The following NBEAL1 variants were observed in gnomAD, a reference collection of about 807,000 sequenced individuals.
NBEAL1 encodes the protein neurobeachin like 1.
Under a neutral mutation model 351.3 loss-of-function variants are expected in NBEAL1, and 273 were observed. That is an observed-to-expected ratio of 0.78 (90% CI 0.70 to 0.86). The LOEUF (loss-of-function observed/expected upper bound fraction) is 0.86. Ranked by LOEUF, NBEAL1 falls within the 40% of genes least tolerant of loss-of-function variation. The pLI is 0.00. For missense variants in NBEAL1, 2,961 were observed against 3,201.3 expected (o/e 0.92, Z 1.81); for synonymous variants, 1,050 against 1,086.4 (o/e 0.97, Z 0.66).
chr2:203,066,635 T>C (rs1446014142), intron 6 of NBEAL1, among the ~76,000 whole-genome samples: 3 of 150,954 alleles, frequency 2.0e-5, no homozygotes, highest in Non-Finnish European at 4.4e-5. Context: ...CGGGGCGGCC[T>C]GGCAGAGGCA....
At chr2:203,076,764 G>T (rs2061782172) in intron 7 of NBEAL1, among the ~76,000 whole-genome samples, 1 of 151,460 alleles carries the variant, frequency 6.6e-6, no homozygotes, top group Non-Finnish European at 1.5e-5. Flanking sequence ...GCTAATTTTT[G>T]CATTTTTAGT....
At chr2:203,154,105 G>T (rs943371920) in intron 35 of NBEAL1, among the ~76,000 whole-genome samples, 7 of 151,856 alleles carry the variant, frequency 4.6e-5, no homozygotes, top group African/African-American at 1.5e-4. Flanking sequence ...GCGTAGTGAC[G>T]TGCACCTGTA....
At position 203,209,207 on chromosome 2, in the gene NBEAL1, G is replaced by A; in HGVS notation, c.7670G>A (p.Arg2557Lys). 2 of 1,613,680 alleles carry A rather than the reference G, an allele frequency of 1.2e-6. No individual in the cohort carries two copies. The highest frequency in any genetic ancestry group is 4.5e-5 in the East Asian group (2 of 44,860). Reference protein sequence around the residue: ...IHTIQKGQYMRTLRPPCESSL... With the variant: ...IHTIQKGQYMKTLRPPCESSL... ...ACCATTCAGAAAGGTCAGTACATGAGGACTTTACGACCACCTTGTGAGAGT... is the reference window on the plus strand; with the variant it reads ...ACCATTCAGAAAGGTCAGTACATGAAGACTTTACGACCACCTTGTGAGAGT... Residue 2557 changes from arginine to lysine, a missense_variant, in exon 53 of 56, where the codon AGG becomes AAG. By Grantham distance (26) the Arg-to-Lys change is conservative. Transcript: ENST00000683969.
intron 11 of NBEAL1, 62 bp downstream of exon 11, chr2:203,097,695 A>G: frequency 4.1e-6 from 2 of 492,720 alleles, no homozygotes; most frequent in Non-Finnish European, 2.6e-6. Flanking sequence ...GGGAATAACT[A>G]TTCCTGTGCT....
At position 203,112,957 on chromosome 2, in the gene NBEAL1, T is replaced by G. The variant is rs1179596272; in HGVS notation, c.2203-58T>G. ...TGTACTATTTTATTGTGTAATTTTA[T>G]GTTAAATATGAGGATATATGTTAAT... On this transcript the variant is annotated intron_variant, in intron 16 of 55. Transcript: ENST00000683969. The G allele has an allele frequency of 2.3e-6, 3 of 1,319,946 alleles. No individual in the cohort carries two copies. The African/African-American group carries it at 4.5e-5, about 20-fold the overall frequency. The allele number at this position is 1,319,946 out of a possible 1,614,324, so 81.8% of individuals were successfully genotyped here.
chr2:203,072,295 C>T (rs1435784661), intron 7 of NBEAL1, among the ~76,000 whole-genome samples: 2 of 152,114 alleles, frequency 1.3e-5, no homozygotes, highest in African/African-American at 2.4e-5. Context: ...GGTATAATCC[C>T]GTATCCATTC....
chr2:203,106,640 A>G (rs1030441672), intron 12 of NBEAL1, among the ~76,000 whole-genome samples: 5 of 152,192 alleles, frequency 3.3e-5, no homozygotes, highest in African/African-American at 1.2e-4. Flanking sequence ...TTAAAATTCA[A>G]AAGATTATAT....
At chr2:203,085,555 T>G (rs1278785473) in intron 10 of NBEAL1, 2 of 152,218 alleles carry the variant, frequency 1.3e-5, no homozygotes, top group Non-Finnish European at 2.9e-5. Context: ...TTAGTTCTTT[T>G]TGACTTCATG....
intron 36 of NBEAL1, 87 bp from the exon 37 acceptor site, chr2:203,166,062 G>T (rs2064120379): frequency 1.6e-6 from 2 of 1,239,180 alleles, no homozygotes; most frequent in South Asian, 1.8e-5. Context: ...AGAAAAAAAA[G>T]AGATTATATT....
intron 53 of NBEAL1, 126 bp downstream of exon 53, chr2:203,209,448 CA>C (rs1318664722): frequency 9.9e-6 from 7 of 710,026 alleles, no homozygotes; most frequent in Admixed American, 8.1e-5. Flanking sequence ...TTTCTTTCAT[CA>C]TTCAGTTGTT....
chr2:203,219,505 A>T lies in NBEAL1; in HGVS notation c.*2151A>T, dbSNP rs977856919. On this transcript the variant is annotated 3_prime_UTR_variant, in exon 56 of 56. Transcript: ENST00000683969. ...AAATAGATATCCTACCTGGACTAAT[A>T]CTAGATGTACAAGGTAGTGGAATTA... 1 of 151,950 alleles carries T rather than the reference A, an allele frequency of 6.6e-6. No individual in the cohort carries two copies. The highest frequency in any genetic ancestry group is 2.4e-5 in the African/African-American group (1 of 41,356). 9.4% of individuals were successfully genotyped at this position (151,950 alleles called of 1,614,324 possible).
intron 12 of NBEAL1, among the ~76,000 whole-genome samples, chr2:203,101,469 C>T (rs1243862260): frequency 6.6e-6 from 1 of 152,082 alleles, no homozygotes; most frequent in Admixed American, 6.6e-5. Context: ...CTAGGATTGC[C>T]TTGGCTATTC....
At chr2:203,213,722 A>T in intron 55 of NBEAL1, 69 bp downstream of exon 55, 3 of 1,594,030 alleles carry the variant, frequency 1.9e-6, no homozygotes, top group Non-Finnish European at 1.7e-6. Context: ...CTTCATTCCA[A>T]CTGATTGAGA....
At chr2:203,162,365 C>A (rs1001612591) in intron 36 of NBEAL1, among the ~76,000 whole-genome samples, 2 of 152,016 alleles carry the variant, frequency 1.3e-5, no homozygotes, top group Non-Finnish European at 2.9e-5. Flanking sequence ...CATATTCAGC[C>A]AAGAATGAGT....
intron 2 of NBEAL1, among the ~76,000 whole-genome samples, chr2:203,023,253 A>G (rs2060797747): frequency 1.3e-5 from 2 of 152,188 alleles, no homozygotes; most frequent in East Asian, 1.9e-4. Flanking sequence ...TGGTATGTGC[A>G]AAGTGTGAAA....
At chr2:203,175,059 C>A in intron 41 of NBEAL1, 88 bp from the exon 42 acceptor site, 1 of 1,144,600 alleles carries the variant, frequency 8.7e-7, no homozygotes, top group Non-Finnish European at 1.3e-6. Context: ...TTTTTAAAAA[C>A]TGTATTTTCA....
Position 203,041,838 on chromosome 2 carries a change from T to A in NBEAL1, c.125T>A (p.Phe42Tyr). 6.4e-7 allele frequency: 1 copy of A among 1,553,162 alleles called. No individual in the cohort carries two copies. The highest frequency in any genetic ancestry group is 1.4e-5 in the African/African-American group (1 of 73,498). Residue 42 changes from phenylalanine (F) to tyrosine (Y), a missense_variant, in exon 3 of 56, where the codon TTT becomes TAT. Transcript: ENST00000683969. ...TATGAACAATTTTTAGACGTTGACT[T>A]TGAAAAGCTGCCTACCAGGTATGTA... The part of the protein sequence containing the change: ...SSYEQFLDVD[F>Y]EKLPTRVDDM...
intron 2 of NBEAL1, among the ~76,000 whole-genome samples, chr2:203,028,595 A>C (rs2060899209): frequency 6.6e-6 from 1 of 151,416 alleles, no homozygotes; most frequent in Non-Finnish European, 1.5e-5. Flanking sequence ...GTTTCATGGA[A>C]TGTTTTAAAC....
intron 3 of NBEAL1, among the ~76,000 whole-genome samples, chr2:203,042,222 A>G (rs868622106): frequency 1.3e-5 from 2 of 152,264 alleles, no homozygotes; most frequent in African/African-American, 4.8e-5. Context: ...AACTGGCTAT[A>G]AATTCTGGGT....
Sources: allele counts gnomAD v4.1 joint callset (sites outside exome capture counted in the v4.1 genomes callset), GRCh38; gene constraint gnomAD v4.1.1; transcripts MANE v1.5; gene names NCBI Gene and HGNC (gene_info 2026-07-23, HGNC 2026-07-21).